Variants in HNRNPA1L2 observed in about 807,000 individuals in gnomAD.
The protein encoded by HNRNPA1L2 is heterogeneous nuclear ribonucleoprotein A1 like 2.
Under a neutral mutation model 18.2 loss-of-function variants are expected in HNRNPA1L2, and 10 were observed. That is an observed-to-expected ratio of 0.55 (90% CI 0.34 to 0.93). The LOEUF (loss-of-function observed/expected upper bound fraction) is 0.93, where lower values mean the gene tolerates loss of function less well. Ranked by LOEUF, HNRNPA1L2 falls within the 40% of genes least tolerant of loss-of-function variation. HNRNPA1L2 has a pLI of 0.02. For synonymous variants in HNRNPA1L2, 124 were observed against 138.6 expected (o/e 0.89, Z 0.74); for missense variants, 308 against 394.4 (o/e 0.78, Z 1.85).
At chr13:52,628,689 T>G in the HNRNPA1L2 span, among the ~76,000 whole-genome samples, 1 of 152,196 alleles carries the variant, frequency 6.6e-6, no homozygotes, top group Non-Finnish European at 1.5e-5. Context: ...AAGAACATCT[T>G]TAAAAGACAA....
chr13:52,639,876 GTTTTTTT>G (rs371984561), upstream of HNRNPA1L2, among the ~76,000 whole-genome samples: 22 of 56,958 alleles, frequency 3.9e-4, no homozygotes, highest in African/African-American at 1.4e-3. Flanking sequence ...TGTTGTTCTT[GTTTTTTT>G]TTTTTTTTTT....
At chr13:52,641,672 G>A (rs1405405656), upstream of HNRNPA1L2, 1 of 152,200 alleles carries the variant, frequency 6.6e-6, no homozygotes, top group Non-Finnish European at 1.5e-5. Flanking sequence ...AGGAGTGTCA[G>A]TCTAATTATG....
the HNRNPA1L2 span, among the ~76,000 whole-genome samples, chr13:52,630,380 G>A: frequency 3.3e-5 from 5 of 152,238 alleles, no homozygotes; most frequent in Admixed American, 6.5e-5. Context: ...GGGTTCTAGC[G>A]ATTCTCCTGA....
chr13:52,636,213 A>G, the HNRNPA1L2 span, among the ~76,000 whole-genome samples: 1 of 152,184 alleles, frequency 6.6e-6, no homozygotes, highest in Non-Finnish European at 1.5e-5. Flanking sequence ...ACATTTGGCT[A>G]TTACAAAGAA....
At chr13:52,635,862 G>A in the HNRNPA1L2 span, among the ~76,000 whole-genome samples, 2 of 138,164 alleles carry the variant, frequency 1.4e-5, no homozygotes, top group African/African-American at 2.7e-5. Flanking sequence ...ACGGAGTCTC[G>A]CTCTGTAGCC....
At chr13:52,640,407 A>ATGTTT (rs1438281528), upstream of HNRNPA1L2, among the ~76,000 whole-genome samples, 3 of 152,328 alleles carry the variant, frequency 2.0e-5, no homozygotes, top group African/African-American at 4.8e-5. Context: ...TTTTAGAAAA[A>ATGTTT]TAGAACTCCA....
upstream of HNRNPA1L2, among the ~76,000 whole-genome samples, chr13:52,638,250 T>G (rs1346551018): frequency 6.6e-6 from 1 of 152,238 alleles, no homozygotes; most frequent in Non-Finnish European, 1.5e-5. Flanking sequence ...GTATTGCTTA[T>G]GAACTCACTT....
Position 52,643,366 on chromosome 13 carries a change from G to A in HNRNPA1L2, c.874G>A (p.Gly292Arg). The change falls in exon 1 of 1, where the codon GGA (glycine) becomes AGA (arginine). Residue 292 changes from glycine (G) to arginine (R), a missense_variant. Physicochemically the swap from Gly to Arg is moderately radical, Grantham distance 125. Coordinates refer to ENST00000357495, the MANE Select transcript of HNRNPA1L2 (RefSeq NM_001389320.1). ...GGRSSGPYGG[G>R]GQYFAKPQNQ... Reference sequence around the variant, plus strand: ...CAGAAGCTCTGGCCCCTATGGCGGTGGAGGCCAATACTTTGCAAAACCACA... The same window carrying A: ...CAGAAGCTCTGGCCCCTATGGCGGTAGAGGCCAATACTTTGCAAAACCACA... 1 of 1,598,434 alleles carries A rather than the reference G, an allele frequency of 6.3e-7. No homozygotes were observed. The highest frequency in any genetic ancestry group is 8.5e-7 in the Non-Finnish European group (1 of 1,179,752).
chr13:52,635,887 A>G, the HNRNPA1L2 span, among the ~76,000 whole-genome samples: 5 of 150,464 alleles, frequency 3.3e-5, no homozygotes, highest in Non-Finnish European at 7.4e-5. Flanking sequence ...CTGGAGTGCA[A>G]TGGCGCGACC....
At chr13:52,629,589 T>TC in the HNRNPA1L2 span, among the ~76,000 whole-genome samples, 1 of 152,224 alleles carries the variant, frequency 6.6e-6, no homozygotes, top group African/African-American at 2.4e-5. Context: ...AGGCCATGCT[T>TC]CATATCTACC....
At chr13:52,626,921 A>G in the HNRNPA1L2 span, among the ~76,000 whole-genome samples, 2 of 152,280 alleles carry the variant, frequency 1.3e-5, no homozygotes, top group East Asian at 1.9e-4. Flanking sequence ...CAGCAATGGA[A>G]TCATACAGAA....
upstream of HNRNPA1L2, among the ~76,000 whole-genome samples, chr13:52,639,892 T>TTG (rs1555269251): frequency 4.5e-3 from 581 of 128,612 alleles, 10 homozygotes; most frequent in African/African-American, 0.012. Flanking sequence ...TTTTTTTTTT[T>TTG]TTTGTTTTTT....
the HNRNPA1L2 span, among the ~76,000 whole-genome samples, chr13:52,634,981 A>G: frequency 4.6e-5 from 7 of 152,234 alleles, no homozygotes; most frequent in Non-Finnish European, 1.0e-4. Context: ...TGATGATCCT[A>G]ATGATGATGG....
At chr13:52,642,115 T>G, upstream of HNRNPA1L2, 1 of 207,658 alleles carries the variant, frequency 4.8e-6, no homozygotes, top group Admixed American at 5.2e-5. Context: ...ATTGGCTAGA[T>G]TAGTTATATA....
chr13:52,633,796 A>C, the HNRNPA1L2 span, among the ~76,000 whole-genome samples: 1,100 of 152,108 alleles, frequency 7.2e-3, 13 homozygotes, highest in African/African-American at 0.026. Flanking sequence ...TAAGCGACAG[A>C]GTGAGACCCC....
chr13:52,640,026 A>C (rs1165077222), upstream of HNRNPA1L2, among the ~76,000 whole-genome samples: 1 of 151,076 alleles, frequency 6.6e-6, no homozygotes, highest in Non-Finnish European at 1.5e-5. Context: ...TGCAACTGTC[A>C]CCTCCCAGGG....
chr13:52,643,713 T>C lies in HNRNPA1L2; in HGVS notation c.*258T>C, dbSNP rs1961743556. 1 of 270,632 alleles carries C rather than the reference T, an allele frequency of 3.7e-6. No homozygotes were observed. Among genetic ancestry groups the C allele is most frequent in the Admixed American group, 5.0e-5 (1 of 19,896 alleles). 16.8% of individuals were successfully genotyped at this position (270,632 alleles called of 1,614,324 possible). ...TTCCAACAAAGTGTTTTAATGTAGA[T>C]TTTTTTTTTTGCACCCATGCTGTTG... On this transcript the variant is annotated 3_prime_UTR_variant, in exon 1 of 1. Coordinates refer to ENST00000357495, the MANE Select transcript of HNRNPA1L2 (RefSeq NM_001389320.1).
At chr13:52,623,323 C>T in the HNRNPA1L2 span, among the ~76,000 whole-genome samples, 4 of 152,106 alleles carry the variant, frequency 2.6e-5, no homozygotes, top group South Asian at 2.1e-4. Flanking sequence ...GTAAAGGTCA[C>T]GTAAACAATT....
At chr13:52,634,014 A>T in the HNRNPA1L2 span, among the ~76,000 whole-genome samples, 1 of 152,222 alleles carries the variant, frequency 6.6e-6, no homozygotes, top group African/African-American at 2.4e-5. Flanking sequence ...GGAACTAGTT[A>T]TCTTAATCTT....
Sources: gnomAD v4.1 joint callset for allele counts (sites outside exome capture counted in the v4.1 genomes callset) on GRCh38, gnomAD v4.1.1 for gene constraint, MANE v1.5 for transcripts, NCBI Gene and HGNC (gene_info 2026-07-23, HGNC 2026-07-21) for gene names.